The following PCDH15 variants were observed in gnomAD, a reference collection of about 807,000 sequenced individuals.
PCDH15 encodes protocadherin-15.
In PCDH15, 129 loss-of-function variants were observed where a neutral mutation model predicts 178.5. The observed-to-expected ratio is 0.72, with a 90% CI of 0.63 to 0.84. The LOEUF (loss-of-function observed/expected upper bound fraction) is 0.84. PCDH15 is among the 40% of genes least tolerant of loss of function. The pLI, the probability that PCDH15 is intolerant of heterozygous loss-of-function variation, is 0.00. For missense variants in PCDH15, 2,230 were observed against 2,099.9 expected (o/e 1.06, Z -1.21); for synonymous variants, 800 against 732.0 (o/e 1.09, Z -1.50).
At chr10:54,445,495 G>T (rs766260750) in intron 3 of PCDH15, among the ~76,000 whole-genome samples, 47 of 151,344 alleles carry the variant, frequency 3.1e-4, no homozygotes, top group Non-Finnish European at 5.9e-4. Context: ...CGTACTTTAG[G>T]CTAGGTTACT....
chr10:55,033,287 G>A (rs1055625797), intron 2 of PCDH15, among the ~76,000 whole-genome samples: 2 of 152,078 alleles, frequency 1.3e-5, no homozygotes, highest in African/African-American at 4.8e-5. Flanking sequence ...CGCTCGAGAG[G>A]CCAAAGCCTG....
chr10:53,911,177 C>G (rs939095779), intron 25 of PCDH15, among the ~76,000 whole-genome samples: 1 of 152,142 alleles, frequency 6.6e-6, no homozygotes, highest in Non-Finnish European at 1.5e-5. Flanking sequence ...CACAAAGATA[C>G]TCTTATTCCA....
At chr10:54,204,714 A>T (rs2050609084) in intron 10 of PCDH15, among the ~76,000 whole-genome samples, 2 of 152,160 alleles carry the variant, frequency 1.3e-5, no homozygotes, top group Admixed American at 6.6e-5. Flanking sequence ...TGGTAATTTA[A>T]TAGCAGCTGC....
In PCDH15 at chr10:55,481,931, T is replaced by C. The variant is rs190211693; in HGVS notation, c.-156+145694A>G. Reference sequence around the variant, plus strand: ...GTGATCTAATACTGTCAGTGGGGTGTTAAATTTCCCCACTATAATTGTGTG... The same window carrying C: ...GTGATCTAATACTGTCAGTGGGGTGCTAAATTTCCCCACTATAATTGTGTG... On this transcript the variant is annotated intron_variant, in intron 2 of 5. Transcript: ENST00000613346. Among the ~76,000 whole-genome samples, 72 of 151,966 alleles carry C rather than the reference T, an allele frequency of 4.7e-4. No homozygotes were observed. The East Asian group carries it at 0.011, about 23-fold the overall frequency.
chr10:53,888,315 TATGTAC>T (rs1266897436), intron 26 of PCDH15, among the ~76,000 whole-genome samples: 1 of 121,342 alleles, frequency 8.2e-6, no homozygotes, highest in African/African-American at 3.1e-5. Flanking sequence ...TATATGTATA[TATGTAC>T]GTATATATAT....
At chr10:54,473,275 T>A (rs2078046025) in intron 3 of PCDH15, among the ~76,000 whole-genome samples, 2 of 152,150 alleles carry the variant, frequency 1.3e-5, no homozygotes, top group African/African-American at 4.8e-5. Flanking sequence ...ATATCTTTTT[T>A]AAGGGGATAT....
chr10:53,989,407 T>G (rs1272052252), intron 21 of PCDH15, among the ~76,000 whole-genome samples: 1 of 152,186 alleles, frequency 6.6e-6, no homozygotes, highest in Non-Finnish European at 1.5e-5. Context: ...TTGTTAATTC[T>G]AATATTAATT....
intron 3 of PCDH15, among the ~76,000 whole-genome samples, chr10:54,485,300 T>C (rs2079024332): frequency 6.6e-6 from 1 of 151,848 alleles, no homozygotes; most frequent in African/African-American, 2.4e-5. Flanking sequence ...ACTAAAAATG[T>C]GTTTCTAGAA....
At chr10:54,382,150 G>A (rs1949313586) in intron 3 of PCDH15, among the ~76,000 whole-genome samples, 1 of 151,916 alleles carries the variant, frequency 6.6e-6, no homozygotes, top group South Asian at 2.1e-4. Flanking sequence ...TTAAATACTG[G>A]GATTTGTGCT....
chr10:54,436,422 A>T (rs1332537734), intron 3 of PCDH15, among the ~76,000 whole-genome samples: 2 of 152,112 alleles, frequency 1.3e-5, no homozygotes, highest in Non-Finnish European at 2.9e-5. Flanking sequence ...TGAACAAAAT[A>T]AAAAAATCTA....
At chr10:55,148,818 G>A (rs1212680030) in intron 2 of PCDH15, among the ~76,000 whole-genome samples, 1 of 149,028 alleles carries the variant, frequency 6.7e-6, no homozygotes, top group African/African-American at 2.4e-5. Flanking sequence ...TTATACAGCA[G>A]TCTATTTCAA....
At chr10:53,910,612 A>G (rs1003748617) in intron 25 of PCDH15, among the ~76,000 whole-genome samples, 8 of 152,314 alleles carry the variant, frequency 5.3e-5, no homozygotes, top group Admixed American at 3.9e-4. Context: ...TTCTCCTCCA[A>G]AGGATCACAG....
In PCDH15 at chr10:55,582,628, A is replaced by ATTT. The variant is rs1554800566; in HGVS notation, c.-156+44994_-156+44996dup. 8.4e-4 allele frequency among the ~76,000 whole-genome samples: 58 copies of ATTT among 69,032 alleles called. 1 individual carries two copies. The highest frequency in any genetic ancestry group is 3.3e-3 in the East Asian group (6 of 1,794). 45.3% of individuals were successfully genotyped at this position (69,032 alleles called of 152,430 possible). ...TATATATATATATATATATATATAT[A>ATTT]TTTTTTTTTTTTTGCTATATTTGAT... On this transcript the variant is annotated intron_variant, in intron 2 of 5. Coordinates refer to the PCDH15 transcript ENST00000613346.
At chr10:54,935,700 C>T (rs2131857612) in intron 2 of PCDH15, among the ~76,000 whole-genome samples, 1 of 152,058 alleles carries the variant, frequency 6.6e-6, no homozygotes, top group East Asian at 1.9e-4. Flanking sequence ...CCTTCGTATC[C>T]CCTTCATACA....
chr10:54,791,131 T>A (rs1951368842), intron 1 of PCDH15, among the ~76,000 whole-genome samples: 1 of 151,942 alleles, frequency 6.6e-6, no homozygotes, highest in African/African-American at 2.4e-5. Context: ...AGTTCCTGTC[T>A]TTTTGGAATC....
chr10:54,926,576 G>A (rs1288454980), intron 2 of PCDH15, among the ~76,000 whole-genome samples: 1 of 151,842 alleles, frequency 6.6e-6, no homozygotes, highest in African/African-American at 2.4e-5. Flanking sequence ...GAATCTGGCT[G>A]GTGCTGGGCT....
chr10:54,312,122 T>A (rs2060948702), intron 8 of PCDH15, among the ~76,000 whole-genome samples: 1 of 152,102 alleles, frequency 6.6e-6, no homozygotes, highest in South Asian at 2.1e-4. Flanking sequence ...ACATTAATGG[T>A]TAGCTTTCAC....
At chr10:54,890,305 A>T (rs972523690) in intron 3 of PCDH15, among the ~76,000 whole-genome samples, 3 of 152,106 alleles carry the variant, frequency 2.0e-5, no homozygotes, top group Non-Finnish European at 4.4e-5. Context: ...CATGTTTAAG[A>T]AGTATGATTA....
intron 3 of PCDH15, among the ~76,000 whole-genome samples, chr10:54,421,670 A>C (rs966416130): frequency 1.6e-5 from 1 of 64,474 alleles, no homozygotes; most frequent in South Asian, 3.3e-4. Flanking sequence ...GTGTATATAT[A>C]CATATATATA....
Sources: gnomAD v4.1 joint callset for allele counts (sites outside exome capture counted in the v4.1 genomes callset) on GRCh38, gnomAD v4.1.1 for gene constraint, MANE v1.5 for transcripts, NCBI Gene and HGNC (gene_info 2026-07-23, HGNC 2026-07-21) for gene names.